Variants in IMMP2L observed in about 807,000 individuals in gnomAD.
The protein encoded by IMMP2L is inner mitochondrial membrane peptidase subunit 2, also known as mitochondrial inner membrane protease subunit 2.
Under a neutral mutation model 19.3 loss-of-function variants are expected in IMMP2L, and 18 were observed. The observed-to-expected ratio is 0.93, with a 90% confidence interval of 0.64 to 1.38. The LOEUF is 1.38. Among genes scored for constraint, IMMP2L ranks in the 40% most tolerant of loss-of-function variants. The pLI, the probability that IMMP2L is intolerant of heterozygous loss-of-function variation, is 0.00. For synonymous variants in IMMP2L, 76 were observed against 73.0 expected, an observed-to-expected ratio of 1.04 and a Z score of -0.21; for missense variants, 233 against 218.2, an observed-to-expected ratio of 1.07 and a Z score of -0.43.
intron 3 of IMMP2L, among the ~76,000 whole-genome samples, chr7:111,480,169 C>T (rs188811916): frequency 0.011 from 1,592 of 151,448 alleles, 32 homozygotes; most frequent in African/African-American, 0.035. Flanking sequence ...CTGCAAGCTC[C>T]GCCTCCCAGG....
At chr7:111,048,650 A>C (rs1792685850) in intron 3 of IMMP2L, among the ~76,000 whole-genome samples, 2 of 152,240 alleles carry the variant, frequency 1.3e-5, no homozygotes, top group South Asian at 4.1e-4. Flanking sequence ...ATAACATTTT[A>C]AAATATATAC....
At chr7:110,952,968 T>C (rs1817985602) in intron 4 of IMMP2L, among the ~76,000 whole-genome samples, 1 of 152,100 alleles carries the variant, frequency 6.6e-6, no homozygotes, top group African/African-American at 2.4e-5. Context: ...ATGCTACTGC[T>C]AGTACGATTC....
At chr7:111,384,201 A>C (rs1831490088) in intron 3 of IMMP2L, among the ~76,000 whole-genome samples, 1 of 151,180 alleles carries the variant, frequency 6.6e-6, no homozygotes, top group African/African-American at 2.4e-5. Flanking sequence ...GAAAGGAGAA[A>C]GGAGAGAAGA....
intron 5 of IMMP2L, among the ~76,000 whole-genome samples, chr7:110,743,832 T>C (rs1265372884): frequency 1.3e-5 from 2 of 151,996 alleles, no homozygotes; most frequent in Admixed American, 6.5e-5. Context: ...TGGGCGGCCA[T>C]TTGGGCAGAC....
intron 4 of IMMP2L, among the ~76,000 whole-genome samples, chr7:110,915,234 CATGTGCACGCGCGT>C (rs140519694): frequency 0.036 from 5,410 of 152,306 alleles, 330 homozygotes; most frequent in African/African-American, 0.12. Flanking sequence ...GTGATGCACT[CATGTGCACGCGCGT>C]GCGTGCACGC....
intron 3 of IMMP2L, among the ~76,000 whole-genome samples, chr7:111,079,774 G>C (rs1563220311): frequency 6.6e-6 from 1 of 152,126 alleles, no homozygotes; most frequent in South Asian, 2.1e-4. Context: ...TTGAAAGCTT[G>C]ATCCCCAAAT....
intron 3 of IMMP2L, among the ~76,000 whole-genome samples, chr7:111,196,653 G>A: frequency 6.6e-6 from 1 of 152,072 alleles, no homozygotes; most frequent in Non-Finnish European, 1.5e-5. Context: ...CACGAAATAG[G>A]AAATGAAAAT....
intron 3 of IMMP2L, chr7:111,122,778 G>T: frequency 6.2e-7 from 1 of 1,611,456 alleles, no homozygotes; most frequent in South Asian, 1.1e-5. Flanking sequence ...CTAAGATGAA[G>T]GACATGCCAC....
intron 3 of IMMP2L, among the ~76,000 whole-genome samples, chr7:111,219,426 A>G (rs1018230631): frequency 3.9e-5 from 6 of 152,008 alleles, no homozygotes; most frequent in African/African-American, 7.2e-5. Context: ...CAAATAATGC[A>G]GGTATTAATA....
chr7:110,968,505 C>T (rs1359891370), intron 3 of IMMP2L, among the ~76,000 whole-genome samples: 2 of 151,952 alleles, frequency 1.3e-5, no homozygotes, highest in Non-Finnish European at 2.9e-5. Flanking sequence ...GAAACCCCGT[C>T]TCTACAAAAA....
intron 2 of IMMP2L, among the ~76,000 whole-genome samples, chr7:111,516,712 G>C (rs1460951092): frequency 6.6e-6 from 1 of 152,098 alleles, no homozygotes; most frequent in Admixed American, 6.6e-5. Flanking sequence ...ATTAATGACA[G>C]GTTACAGAAC....
At chr7:110,932,354 T>G (rs1260024092) in intron 4 of IMMP2L, among the ~76,000 whole-genome samples, 5 of 149,252 alleles carry the variant, frequency 3.4e-5, no homozygotes, top group South Asian at 4.2e-4. Flanking sequence ...GAGAATGCAG[T>G]TTTTTTTTTC....
chr7:111,047,201 T>C (rs1792493193), intron 3 of IMMP2L, among the ~76,000 whole-genome samples: 2 of 149,298 alleles, frequency 1.3e-5, no homozygotes, highest in South Asian at 4.2e-4. Flanking sequence ...TTTTTTGTTT[T>C]TTTTGAGACA....
chr7:110,953,276 C>T (rs1309792280), intron 4 of IMMP2L, among the ~76,000 whole-genome samples: 1 of 152,026 alleles, frequency 6.6e-6, no homozygotes, highest in Non-Finnish European at 1.5e-5. Context: ...ATCAGCCCAT[C>T]ACCTACATTA....
At chr7:111,333,581 G>A (rs1034021377) in intron 3 of IMMP2L, among the ~76,000 whole-genome samples, 2 of 152,026 alleles carry the variant, frequency 1.3e-5, no homozygotes, top group African/African-American at 4.8e-5. Context: ...AAGCTCCCTA[G>A]GTGTGTCTGT....
At chr7:111,493,609 A>C (rs1458000076) in intron 2 of IMMP2L, among the ~76,000 whole-genome samples, 2 of 146,322 alleles carry the variant, frequency 1.4e-5, no homozygotes, top group East Asian at 2.1e-4. Context: ...GGAGGCTGAG[A>C]CAGGAGAACG....
chr7:111,493,741 T>C (rs1280174725), intron 2 of IMMP2L, among the ~76,000 whole-genome samples: 21 of 113,356 alleles, frequency 1.9e-4, no homozygotes, highest in East Asian at 5.5e-4. Flanking sequence ...GTCACGGTGG[T>C]TCACGCCTGT....
At chr7:111,130,545 T>C (rs1801747995) in intron 3 of IMMP2L, among the ~76,000 whole-genome samples, 1 of 152,146 alleles carries the variant, frequency 6.6e-6, no homozygotes, top group African/African-American at 2.4e-5. Context: ...CCAACTGTGA[T>C]ACTCCTTAGT....
chr7:111,545,047 T>A (rs558644481), intron 1 of IMMP2L, among the ~76,000 whole-genome samples: 1 of 151,900 alleles, frequency 6.6e-6, no homozygotes, highest in Non-Finnish European at 1.5e-5. Context: ...GAAGTCAGAC[T>A]CACACACACA....
Sources: allele counts gnomAD v4.1 joint callset (sites outside exome capture counted in the v4.1 genomes callset), GRCh38; gene constraint gnomAD v4.1.1; transcripts MANE v1.5; gene names NCBI Gene and HGNC (gene_info 2026-07-23, HGNC 2026-07-21).